The following EPHB3 variants were observed in gnomAD, a reference collection of about 807,000 sequenced individuals.
EPHB3 encodes the protein ephrin type-B receptor 3.
EPHB3 carries 33 observed loss-of-function variants against 100.2 expected under a neutral mutation model. That is an observed-to-expected ratio of 0.33 (90% CI 0.25 to 0.44). EPHB3 has a LOEUF of 0.44. Ranked by LOEUF, EPHB3 falls within the 20% of genes least tolerant of loss-of-function variation. The pLI, the probability that EPHB3 is intolerant of heterozygous loss-of-function variation, is 1.00. For synonymous variants in EPHB3, 526 were observed against 554.7 expected, an observed-to-expected ratio of 0.95 and a Z score of 0.73; for missense variants, 1,045 against 1,378.3, an observed-to-expected ratio of 0.76 and a Z score of 3.83.
rs1714278156 is a variant in EPHB3 at position 184,562,360 on chromosome 3, G to A, written c.118+7G>A. 1.6e-6 allele frequency: 2 copies of A among 1,220,866 alleles called. No homozygotes were observed. 75.6% of individuals were successfully genotyped at this position (1,220,866 alleles called of 1,614,324 possible). A position where few individuals can be genotyped will look rare whatever the true frequency, so the allele number is the denominator to read the frequency against. On this transcript the variant is annotated splice_region_variant and intron_variant, in intron 1 of 15. Coordinates refer to ENST00000330394, the MANE Select transcript of EPHB3 (RefSeq NM_004443.4). This position sits in a 1 kb window ranked among gnomAD's most constrained non-coding sequence, Gnocchi z 4.8. Reference sequence around the variant, plus strand: ...GGCTGCCGGGCGCTGGAAGGTGAGCGGCGTCGGGGGGCGCGCCCGGGAACA... The same window carrying A: ...GGCTGCCGGGCGCTGGAAGGTGAGCAGCGTCGGGGGGCGCGCCCGGGAACA...
rs1577523626 is a variant in EPHB3, at chr3:184,569,226, G to A, written c.119-2092G>A. Among the ~76,000 whole-genome samples, 1 of 136,180 alleles carries A rather than the reference G, an allele frequency of 7.3e-6. No individual in the cohort carries two copies. The highest frequency in any genetic ancestry group is 2.5e-4 in the South Asian group (1 of 4,044). 89.3% of individuals were successfully genotyped at this position (136,180 alleles called of 152,430 possible). A position where few individuals can be genotyped will look rare whatever the true frequency, so the allele number is the denominator to read the frequency against. ...GCGGACCGGCGGGAGGACTGGCTGC[G>A]GGGGCAGGGCGCGCTTGCTCTGCCG... On this transcript the variant is annotated intron_variant, in intron 1 of 15. Transcript: ENST00000330394. This position sits in a 1 kb window ranked among gnomAD's most constrained non-coding sequence, Gnocchi z 5.4.
Position 184,571,046 on chromosome 3 carries a change from C to T in EPHB3, c.119-272C>T, listed in dbSNP as rs1714526636. On this transcript the variant is annotated intron_variant, in intron 1 of 15. Transcript: ENST00000330394. The surrounding 1 kb of genome is among the most constrained non-coding windows in gnomAD (Gnocchi z 5.0). ...TCTCGGCTCACTGCAACCTCCGTCT[C>T]CCAGGTTCAAGCGATTCTCCTGCCT... Among the ~76,000 whole-genome samples, 1 of 151,826 alleles carries T rather than the reference C, an allele frequency of 6.6e-6. No individual in the cohort carries two copies. Among genetic ancestry groups the T allele is most frequent in the South Asian group, 2.1e-4 (1 of 4,820 alleles).
Position 184,577,033 on chromosome 3 carries a change from C to A in EPHB3, c.1204C>A (p.Gln402Lys), listed in dbSNP as rs1377714208. 6.2e-7 allele frequency: 1 copy of A among 1,613,978 alleles called. No homozygotes were observed. The highest frequency in any genetic ancestry group is 8.5e-7 in the Non-Finnish European group (1 of 1,180,008). ...TGACAACGTGGAGTTTGTGCCTCGG[C>A]AGCTGGGCCTGACGGAGCGCCGGGT... ...CDDNVEFVPRQLGLTERRVHI... is the reference protein window; with the variant it reads ...CDDNVEFVPRKLGLTERRVHI... Residue 402 changes from glutamine (Q) to lysine (K), a missense_variant, in exon 5 of 16, where the codon CAG becomes AAG. Gln to Lys is a moderately conservative substitution (Grantham distance 53). Transcript: ENST00000330394. The surrounding 1 kb of genome is among the most constrained non-coding windows in gnomAD (Gnocchi z 4.9).
In EPHB3 at chr3:184,579,165, G is replaced by T. The variant is rs1714758153; in HGVS notation, c.1802-312G>T. On this transcript the variant is annotated intron_variant, in intron 9 of 15. Coordinates refer to ENST00000330394, the MANE Select transcript of EPHB3 (RefSeq NM_004443.4). The surrounding 1 kb of genome is among the most constrained non-coding windows in gnomAD (Gnocchi z 5.2). ...GGTGGGAAAAGTCCAGAGGCAGAGA[G>T]CCCAGCTGGGAGGCTATTGGAATAG... 6.6e-6 allele frequency among the ~76,000 whole-genome samples: 1 copy of T among 152,178 alleles called. No individual in the cohort carries two copies. The highest frequency in any genetic ancestry group is 1.5e-5 in the Non-Finnish European group (1 of 68,034).
intron 1 of EPHB3, among the ~76,000 whole-genome samples, chr3:184,567,480 G>GGTGTGT (rs58429187): frequency 0.014 from 2,105 of 148,640 alleles, 13 homozygotes; most frequent in African/African-American, 0.025. Context: ...ATGCTTGCAG[G>GGTGTGT]GTGTGTGTGT....
Position 184,571,186 on chromosome 3 carries a change from T to C in EPHB3, c.119-132T>C. The C allele has an allele frequency of 2.5e-6, 2 of 784,374 alleles. No individual in the cohort carries two copies. Among genetic ancestry groups the C allele is most frequent in the Non-Finnish European group, 4.3e-6 (2 of 460,282 alleles). The allele number at this position is 784,374 out of a possible 1,614,324, so 48.6% of individuals were successfully genotyped here. On this transcript the variant is annotated intron_variant, in intron 1 of 15. Transcript: ENST00000330394. The surrounding 1 kb of genome is among the most constrained non-coding windows in gnomAD (Gnocchi z 5.0). ...TCAGACTGATCTCAAACTCCTGACC[T>C]CAAGTGATCCACCTGCCTCAGACTC...
chr3:184,578,617 C>A lies in EPHB3; in HGVS notation c.1801+151C>A. Reference sequence around the variant, plus strand: ...TCAAGTGGCATTTCCTGACCCCTATCTCACTCCGGGTACCCTGGGCCCCTA... The same window carrying A: ...TCAAGTGGCATTTCCTGACCCCTATATCACTCCGGGTACCCTGGGCCCCTA... On this transcript the variant is annotated intron_variant, in intron 9 of 15. Transcript: ENST00000330394. This position sits in a 1 kb window ranked among gnomAD's most constrained non-coding sequence, Gnocchi z 4.7. 9.9e-7 allele frequency: 1 copy of A among 1,014,016 alleles called. No homozygotes were observed. Among genetic ancestry groups the A allele is most frequent in the Non-Finnish European group, 1.5e-6 (1 of 686,770 alleles). The allele number at this position is 1,014,016 out of a possible 1,614,324, so 62.8% of individuals were successfully genotyped here.
At chr3:184,568,492 C>A (rs1185917394) in intron 1 of EPHB3, among the ~76,000 whole-genome samples, 1 of 152,180 alleles carries the variant, frequency 6.6e-6, no homozygotes, top group African/African-American at 2.4e-5. Flanking sequence ...GTACAACACA[C>A]GTACACACAC....
chr3:184,575,290 C>T (rs1714644482), intron 3 of EPHB3: 1 of 958,604 alleles, frequency 1.0e-6, no homozygotes, highest in Non-Finnish European at 1.2e-6. Context: ...CTCACCCGTC[C>T]TCAGCCCCCA....
chr3:184,581,686 G>T lies in EPHB3; in HGVS notation c.*64G>T. 1 of 1,435,414 alleles carries T rather than the reference G, an allele frequency of 7.0e-7. No homozygotes were observed. Among genetic ancestry groups the T allele is most frequent in the Non-Finnish European group, 9.3e-7 (1 of 1,076,792 alleles). 88.9% of individuals were successfully genotyped at this position (1,435,414 alleles called of 1,614,324 possible). On this transcript the variant is annotated 3_prime_UTR_variant, in exon 16 of 16. Transcript: ENST00000330394. Reference sequence around the variant, plus strand: ...TGCCAAGCAGCCGGCTGGACTTTCGGACTCTTGGACTTTTGGATGCCTGGC... The same window carrying T: ...TGCCAAGCAGCCGGCTGGACTTTCGTACTCTTGGACTTTTGGATGCCTGGC...
In EPHB3 at chr3:184,571,448, C is replaced by G. The variant is rs375178304; in HGVS notation, c.183+66C>G. The G allele has an allele frequency of 6.4e-7, 1 of 1,567,206 alleles. No individual in the cohort carries two copies. Among genetic ancestry groups the G allele is most frequent in the African/African-American group, 1.4e-5 (1 of 73,988 alleles). ...TAGGCCTCCCCCCACTTCCAGCCTCCGTGCCCCCTCATCTCACCAGGGCCT... is the reference window on the plus strand; with the variant it reads ...TAGGCCTCCCCCCACTTCCAGCCTCGGTGCCCCCTCATCTCACCAGGGCCT... On this transcript the variant is annotated intron_variant, in intron 2 of 15. Transcript: ENST00000330394. This position sits in a 1 kb window ranked among gnomAD's most constrained non-coding sequence, Gnocchi z 5.0.
At position 184,565,580 on chromosome 3, in the gene EPHB3, A is replaced by G. The variant is rs574118583; in HGVS notation, c.118+3227A>G. 1.3e-5 allele frequency among the ~76,000 whole-genome samples: 2 copies of G among 152,322 alleles called. No individual in the cohort carries two copies. The highest frequency in any genetic ancestry group is 4.1e-4 in the South Asian group (2 of 4,824). Reference sequence around the variant, plus strand: ...TCACTGCAGTGGAACCTGTCTCTGAAGGAACAAGACAGCATAGAGCCCACC... The same window carrying G: ...TCACTGCAGTGGAACCTGTCTCTGAGGGAACAAGACAGCATAGAGCCCACC... On this transcript the variant is annotated intron_variant, in intron 1 of 15. Coordinates refer to ENST00000330394, the MANE Select transcript of EPHB3 (RefSeq NM_004443.4). This position sits in a 1 kb window ranked among gnomAD's most constrained non-coding sequence, Gnocchi z 4.8.
At position 184,569,343 on chromosome 3, in the gene EPHB3, C is replaced by G. The variant is rs1174143540; in HGVS notation, c.119-1975C>G. Among the ~76,000 whole-genome samples the G allele has an allele frequency of 6.6e-6, 1 of 152,134 alleles. No individual in the cohort carries two copies. Among genetic ancestry groups the G allele is most frequent in the East Asian group, 1.9e-4 (1 of 5,158 alleles). On this transcript the variant is annotated intron_variant, in intron 1 of 15. Coordinates refer to ENST00000330394, the MANE Select transcript of EPHB3 (RefSeq NM_004443.4). The surrounding 1 kb of genome is among the most constrained non-coding windows in gnomAD (Gnocchi z 5.4). ...TGTCTCCTCGGGCCTCCGCGTCTCT[C>G]GGTCTCCCTGTCTTTGTAGTCAGCC...
In EPHB3 at chr3:184,580,804, T is replaced by C; in HGVS notation, c.2464T>C (p.Trp822Arg). The change falls in exon 13 of 16, where the codon TGG becomes CGG. Residue 822 changes from tryptophan (W) to arginine (R), a missense_variant. By Grantham distance (101) the Trp-to-Arg change is moderately radical. This residue lies in a region of EPHB3 where 985 missense variants were observed against 1,331.1 expected (regional missense o/e 0.74). Coordinates refer to ENST00000330394, the MANE Select transcript of EPHB3 (RefSeq NM_004443.4). ...GAAGTTCACTTCTGCTAGTGATGTC[T>C]GGAGCTACGGAATTGTCATGTGGGA... ...YRKFTSASDV[W>R]SYGIVMWEVM... 1.9e-6 allele frequency: 3 copies of C among 1,614,194 alleles called. No homozygotes were observed. Among genetic ancestry groups the C allele is most frequent in the Non-Finnish European group, 2.5e-6 (3 of 1,180,024 alleles).
intron 3 of EPHB3, among the ~76,000 whole-genome samples, chr3:184,575,005 G>A (rs1369824687): frequency 6.6e-6 from 1 of 152,256 alleles, no homozygotes; most frequent in Non-Finnish European, 1.5e-5. Context: ...TTAGTGTCTA[G>A]GAGGGTCTTG....
intron 1 of EPHB3, among the ~76,000 whole-genome samples, chr3:184,566,849 T>C (rs542586031): frequency 3.7e-4 from 57 of 152,350 alleles, no homozygotes; most frequent in East Asian, 5.8e-4. Flanking sequence ...TTCTGTTTTT[T>C]GTTTTGGCTT....
At chr3:184,566,633 C>T (rs1023492768) in intron 1 of EPHB3, among the ~76,000 whole-genome samples, 46 of 152,168 alleles carry the variant, frequency 3.0e-4, no homozygotes, top group African/African-American at 1.0e-3. Context: ...GAAGGGACTC[C>T]GTGAAGAGGA....
chr3:184,574,816 T>G (rs763798769), intron 3 of EPHB3, among the ~76,000 whole-genome samples: 1 of 152,178 alleles, frequency 6.6e-6, no homozygotes, highest in African/African-American at 2.4e-5. Context: ...CTGGTTCCCA[T>G]AGCAACCAGG....
rs886101748 is a variant in EPHB3 at position 184,562,082 on chromosome 3, C to A, written c.-154C>A. 3.0e-5 allele frequency: 5 copies of A among 169,386 alleles called. No individual in the cohort carries two copies. Among genetic ancestry groups the A allele is most frequent in the African/African-American group, 1.2e-4 (5 of 41,676 alleles). 10.5% of individuals were successfully genotyped at this position (169,386 alleles called of 1,614,324 possible). On this transcript the variant is annotated 5_prime_UTR_variant, in exon 1 of 16. Coordinates refer to ENST00000330394, the MANE Select transcript of EPHB3 (RefSeq NM_004443.4). The surrounding 1 kb of genome is among the most constrained non-coding windows in gnomAD (Gnocchi z 4.8). ...ACCGCCTCGGTCCCGGAGCCGCCCG[C>A]CTGGATTGCATTCCCTCCTCTCCTG...
Sources: allele counts gnomAD v4.1 joint callset (sites outside exome capture counted in the v4.1 genomes callset), GRCh38; gene constraint gnomAD v4.1.1; regional missense constraint gnomAD v4.1.1; non-coding constraint Gnocchi (gnomAD v3.1); transcripts MANE v1.5; gene names NCBI Gene and HGNC (gene_info 2026-07-23, HGNC 2026-07-21).